Variants in NEGR1 observed in about 807,000 individuals in gnomAD.
NEGR1 encodes IgLON family member 4.
NEGR1 carries 10 observed loss-of-function variants against 40.9 expected under a neutral mutation model. The ratio of observed to expected loss-of-function variants is 0.24; its 90% CI spans 0.15 to 0.42. The LOEUF (loss-of-function observed/expected upper bound fraction) is 0.42. NEGR1 is among the 10% of genes least tolerant of loss of function. The pLI, the probability that NEGR1 is intolerant of heterozygous loss-of-function variation, is 1.00. For synonymous variants in NEGR1, 185 were observed against 166.8 expected (o/e 1.11, Z -0.84); for missense variants, 352 against 438.9 (o/e 0.80, Z 1.77).
At chr1:72,146,032 T>C (rs1545933) in intron 1 of NEGR1, among the ~76,000 whole-genome samples, 24,765 of 152,136 alleles carry the variant, frequency 0.16, 2,280 homozygotes, top group African/African-American at 0.21. Flanking sequence ...CTCTCCTCTT[T>C]TCTTTTGGCT....
chr1:71,449,190 G>C (rs1347496891), intron 6 of NEGR1, among the ~76,000 whole-genome samples: 1 of 152,110 alleles, frequency 6.6e-6, no homozygotes, highest in African/African-American at 2.4e-5. Context: ...GGTTAAGAGA[G>C]GTATAAGAGT....
In NEGR1 at chr1:71,520,498, A is replaced by G. The variant is rs1015085585; in HGVS notation, c.940+72319T>C. On this transcript the variant is annotated intron_variant, in intron 6 of 6. Transcript: ENST00000357731. ...GGAGTCAATACATGGTTTTGTCTCAATGATTCCCACTGGCAGGTTATGGAC... is the reference window on the plus strand; with the variant it reads ...GGAGTCAATACATGGTTTTGTCTCAGTGATTCCCACTGGCAGGTTATGGAC... Among the ~76,000 whole-genome samples the G allele has an allele frequency of 5.3e-5, 8 of 152,208 alleles. No homozygotes were observed. In the South Asian group the frequency reaches 1.2e-3, roughly 24 times the overall value.
chr1:71,702,756 T>C (rs1653742781), intron 3 of NEGR1, among the ~76,000 whole-genome samples: 3 of 149,402 alleles, frequency 2.0e-5, no homozygotes, highest in Admixed American at 2.0e-4. Flanking sequence ...TTTCAGACAT[T>C]GGACAGTAAG....
chr1:72,094,287 G>T (rs1436115295), intron 1 of NEGR1, among the ~76,000 whole-genome samples: 1 of 152,140 alleles, frequency 6.6e-6, no homozygotes, highest in Non-Finnish European at 1.5e-5. Flanking sequence ...TTTATGTTTG[G>T]TGGGGGAGTA....
At chr1:71,623,962 G>T (rs780533581) in intron 4 of NEGR1, among the ~76,000 whole-genome samples, 6 of 151,910 alleles carry the variant, frequency 3.9e-5, no homozygotes, top group African/African-American at 1.4e-4. Flanking sequence ...AGCAGCACAT[G>T]AATAAATTAT....
chr1:72,038,395 T>G (rs994418944), intron 1 of NEGR1, among the ~76,000 whole-genome samples: 1 of 152,046 alleles, frequency 6.6e-6, no homozygotes, highest in African/African-American at 2.4e-5. Flanking sequence ...AGTTCATATT[T>G]CTTCCACCAT....
At chr1:71,698,984 G>T (rs1256614761) in intron 3 of NEGR1, among the ~76,000 whole-genome samples, 1 of 151,652 alleles carries the variant, frequency 6.6e-6, no homozygotes, top group Admixed American at 6.6e-5. Flanking sequence ...GTGTGGCAAA[G>T]GTAGAATAAG....
At chr1:72,084,611 T>C (rs183127210) in intron 1 of NEGR1, among the ~76,000 whole-genome samples, 123 of 152,302 alleles carry the variant, frequency 8.1e-4, no homozygotes, top group African/African-American at 2.9e-3. Flanking sequence ...CCAGAGCCTC[T>C]TTTACTGCCT....
intron 1 of NEGR1, among the ~76,000 whole-genome samples, chr1:72,127,161 G>C (rs188756385): frequency 2.6e-5 from 4 of 152,290 alleles, no homozygotes; most frequent in Admixed American, 2.0e-4. Context: ...ACTTTAAAAA[G>C]TGAGAATTGC....
rs901255146 is a variant in NEGR1 at position 72,153,234 on chromosome 1, GA to G, written c.176+129084del. Among the ~76,000 whole-genome samples the G allele has an allele frequency of 2.9e-3, 446 of 151,980 alleles. 3 individuals are homozygous for G. The highest frequency in any genetic ancestry group is 0.01 in the African/African-American group (428 of 41,528). ...TGAAATAGGAAACAAAGACATGATA[GA>G]GATGATCAATTATGCCCACAGATGG... is the stretch of plus-strand genomic sequence containing the variant. On this transcript the variant is annotated intron_variant, in intron 1 of 6. Coordinates refer to ENST00000357731, the MANE Select transcript of NEGR1 (RefSeq NM_173808.3).
intron 4 of NEGR1, among the ~76,000 whole-genome samples, chr1:71,655,968 A>G (rs1651861181): frequency 6.6e-6 from 1 of 152,210 alleles, no homozygotes; most frequent in Admixed American, 6.5e-5. Flanking sequence ...ACCTTTTTAA[A>G]GTGGCTAATC....
intron 2 of NEGR1, among the ~76,000 whole-genome samples, chr1:71,841,548 C>A (rs948868736): frequency 1.3e-5 from 2 of 152,074 alleles, no homozygotes; most frequent in African/African-American, 4.8e-5. Context: ...TTGTCCCCCA[C>A]TGGGGACAAA....
chr1:72,017,126 A>ATGTG (rs143863573), intron 1 of NEGR1, among the ~76,000 whole-genome samples: 5,100 of 146,848 alleles, frequency 0.035, 230 homozygotes, highest in African/African-American at 0.11. Context: ...ATACACATAT[A>ATGTG]TGTGTGTGTG....
chr1:71,594,900 T>A (rs141388045), intron 5 of NEGR1, among the ~76,000 whole-genome samples: 583 of 152,334 alleles, frequency 3.8e-3, no homozygotes, highest in South Asian at 0.011. Context: ...AAATCCCTGT[T>A]GTGCTCCATC....
At chr1:71,732,492 C>CTGTG (rs141925137) in intron 3 of NEGR1, among the ~76,000 whole-genome samples, 39,693 of 146,782 alleles carry the variant, frequency 0.27, 5,533 homozygotes, top group East Asian at 0.5. Flanking sequence ...TTACTGAATG[C>CTGTG]TGTGTGTGTG....
chr1:71,633,870 G>T, intron 4 of NEGR1, among the ~76,000 whole-genome samples: 1 of 152,042 alleles, frequency 6.6e-6, no homozygotes, highest in Non-Finnish European at 1.5e-5. Flanking sequence ...TTTAGCCAAG[G>T]CTGTTGTTTC....
At chr1:71,741,356 C>T (rs1655207534) in intron 3 of NEGR1, among the ~76,000 whole-genome samples, 1 of 152,172 alleles carries the variant, frequency 6.6e-6, no homozygotes, top group Non-Finnish European at 1.5e-5. Context: ...CTGTATCTGC[C>T]ATCTTTTGCC....
chr1:71,529,878 C>A (rs983031346), intron 6 of NEGR1, among the ~76,000 whole-genome samples: 1 of 151,008 alleles, frequency 6.6e-6, no homozygotes, highest in Non-Finnish European at 1.5e-5. Flanking sequence ...TATTTCATAG[C>A]CTTTTCTTGA....
intron 6 of NEGR1, among the ~76,000 whole-genome samples, chr1:71,425,008 A>C (rs546748126): frequency 2.6e-5 from 4 of 152,308 alleles, no homozygotes; most frequent in African/African-American, 9.6e-5. Context: ...TAATTGTTTC[A>C]TAGCAATAGA....
Sources: allele counts gnomAD v4.1 joint callset (sites outside exome capture counted in the v4.1 genomes callset), GRCh38; gene constraint gnomAD v4.1.1; transcripts MANE v1.5; gene names NCBI Gene and HGNC (gene_info 2026-07-23, HGNC 2026-07-21).